Variants in ASCC3 observed in about 807,000 individuals in gnomAD.
ASCC3 encodes ASC-1 complex subunit P200.
Under a neutral mutation model 256.3 loss-of-function variants are expected in ASCC3, and 158 were observed. The ratio of observed to expected loss-of-function variants is 0.62; its 90% CI spans 0.54 to 0.70. The LOEUF (loss-of-function observed/expected upper bound fraction) is 0.70, where lower values mean the gene tolerates loss of function less well. ASCC3 is among the 30% of genes least tolerant of loss of function. The probability of loss-of-function intolerance (pLI) is 0.00; values close to 1 mark genes in which losing one functional copy is unlikely to be tolerated. For missense variants in ASCC3, 2,259 were observed against 2,626.0 expected (o/e 0.86, Z 3.05); for synonymous variants, 948 against 883.4 (o/e 1.07, Z -1.30).
intron 13 of ASCC3, among the ~76,000 whole-genome samples, chr6:100,693,888 T>C (rs1486262837): frequency 1.3e-5 from 2 of 152,076 alleles, no homozygotes; most frequent in African/African-American, 4.8e-5. Flanking sequence ...AACAAAAAGA[T>C]TAAAGCGACT....
chr6:100,770,794 T>G (rs561113034), intron 8 of ASCC3, among the ~76,000 whole-genome samples: 1 of 151,722 alleles, frequency 6.6e-6, no homozygotes, highest in East Asian at 1.9e-4. Flanking sequence ...ACCTGTACAC[T>G]GAAAAATATT....
At chr6:100,628,064 G>C in intron 27 of ASCC3, 77 bp from the exon 28 acceptor site, 1 of 1,300,190 alleles carries the variant, frequency 7.7e-7, no homozygotes, top group Non-Finnish European at 1.1e-6. Flanking sequence ...AAAAGGAAGA[G>C]TTTGTAGCTT....
At chr6:100,623,090 A>C (rs1473221042) in intron 30 of ASCC3, among the ~76,000 whole-genome samples, 1 of 152,088 alleles carries the variant, frequency 6.6e-6, no homozygotes, top group African/African-American at 2.4e-5. Context: ...ACCACACATA[A>C]ACTGAGTCAT....
At chr6:100,692,989 A>C (rs1777908517) in intron 13 of ASCC3, among the ~76,000 whole-genome samples, 1 of 152,028 alleles carries the variant, frequency 6.6e-6, no homozygotes, top group South Asian at 2.1e-4. Flanking sequence ...CAATTTAAGG[A>C]AAAAATTAGA....
intron 25 of ASCC3, among the ~76,000 whole-genome samples, chr6:100,634,200 G>T (rs1774708306): frequency 6.6e-6 from 1 of 152,150 alleles, no homozygotes; most frequent in East Asian, 1.9e-4. Context: ...ATCAGATCAG[G>T]GTAATTAGCA....
chr6:100,782,968 T>A (rs1377488808), intron 8 of ASCC3, among the ~76,000 whole-genome samples: 1 of 151,898 alleles, frequency 6.6e-6, no homozygotes, highest in South Asian at 2.1e-4. Flanking sequence ...TCTCAGTATG[T>A]AAAGGTTGCT....
intron 17 of ASCC3, among the ~76,000 whole-genome samples, chr6:100,653,268 T>A (rs1356871418): frequency 2.0e-5 from 3 of 152,164 alleles, no homozygotes; most frequent in African/African-American, 7.2e-5. Flanking sequence ...CAAATCATAT[T>A]CCTACTTTAT....
At chr6:100,831,217 C>T (rs1056445615) in intron 4 of ASCC3, among the ~76,000 whole-genome samples, 2 of 151,610 alleles carry the variant, frequency 1.3e-5, no homozygotes, top group African/African-American at 4.8e-5. Context: ...AACCCTTTCC[C>T]TTTTATGCTT....
rs1323036794 is a variant in ASCC3, at chr6:100,848,366, C to A, written c.583G>T (p.Asp195Tyr). ...TGTTCATTCAGAAACTTCTTATAAT[C>A]TAGGCTTATAGTTTTCTGAGTTTCA... ...NGETQKTISL[D>Y]YKKFLNEHLQ... Residue 195 changes from aspartate (D) to tyrosine (Y), a missense_variant, in exon 4 of 42, where the codon GAT (aspartate) becomes TAT (tyrosine). This residue lies in a region of ASCC3 where 420 missense variants were observed against 419.3 expected (regional missense o/e 1.00). Transcript: ENST00000369162. 1 of 1,613,964 alleles carries A rather than the reference C, an allele frequency of 6.2e-7. No individual in the cohort carries two copies.
chr6:100,562,681 A>G (rs912290610), intron 36 of ASCC3, among the ~76,000 whole-genome samples: 8 of 152,022 alleles, frequency 5.3e-5, no homozygotes, highest in Non-Finnish European at 8.8e-5. Flanking sequence ...TTTTTCTATT[A>G]TAAATAATGC....
intron 8 of ASCC3, among the ~76,000 whole-genome samples, chr6:100,791,949 T>C (rs113445283): frequency 6.6e-6 from 1 of 151,894 alleles, no homozygotes; most frequent in Admixed American, 6.6e-5. Flanking sequence ...AAAATGAGGA[T>C]AGCAGAATAG....
At chr6:100,688,545 T>G (rs1777691815) in intron 13 of ASCC3, among the ~76,000 whole-genome samples, 1 of 152,148 alleles carries the variant, frequency 6.6e-6, no homozygotes, top group Admixed American at 6.6e-5. Flanking sequence ...GATTAAGTAG[T>G]TTTTCCTGGC....
chr6:100,828,092 T>TAAAAAAAA (rs10684305), intron 4 of ASCC3, among the ~76,000 whole-genome samples: 1 of 125,354 alleles, frequency 8.0e-6, no homozygotes, highest in African/African-American at 3.0e-5. Context: ...CAGTATTTTC[T>TAAAAAAAA]AAAAAAAAAA....
intron 13 of ASCC3, among the ~76,000 whole-genome samples, chr6:100,714,363 A>G (rs1778993460): frequency 6.6e-6 from 1 of 152,146 alleles, no homozygotes. Flanking sequence ...AACTCACAAA[A>G]TAGTTTTTTA....
intron 36 of ASCC3, among the ~76,000 whole-genome samples, chr6:100,577,845 C>T (rs1582480291): frequency 6.6e-6 from 1 of 152,062 alleles, no homozygotes; most frequent in Non-Finnish European, 1.5e-5. Context: ...ACATTGTAGA[C>T]ACACAATAAA....
intron 4 of ASCC3, among the ~76,000 whole-genome samples, chr6:100,826,009 C>A (rs895134528): frequency 6.6e-6 from 1 of 152,022 alleles, no homozygotes; most frequent in African/African-American, 2.4e-5. Flanking sequence ...TCTCTGAACA[C>A]AGCACAAAAT....
chr6:100,625,831 G>A (rs116868366), intron 29 of ASCC3, among the ~76,000 whole-genome samples: 2,338 of 152,166 alleles, frequency 0.015, 24 homozygotes, highest in East Asian at 0.045. Context: ...TGTTATCAGT[G>A]ATAGAAAAAT....
At chr6:100,844,690 T>C (rs1772306582) in intron 4 of ASCC3, among the ~76,000 whole-genome samples, 1 of 152,100 alleles carries the variant, frequency 6.6e-6, no homozygotes, top group South Asian at 2.1e-4. Flanking sequence ...GCCTACAGTC[T>C]TACCTGGAAA....
intron 10 of ASCC3, among the ~76,000 whole-genome samples, chr6:100,741,994 C>T (rs563352148): frequency 6.6e-5 from 10 of 152,190 alleles, no homozygotes; most frequent in South Asian, 6.2e-4. Context: ...CTCATCTTTG[C>T]GGGCTTATTT....
Sources: gnomAD v4.1 joint callset for allele counts (sites outside exome capture counted in the v4.1 genomes callset) on GRCh38, gnomAD v4.1.1 for gene constraint, gnomAD v4.1.1 regional missense constraint, MANE v1.5 for transcripts, NCBI Gene and HGNC (gene_info 2026-07-23, HGNC 2026-07-21) for gene names.